Variants in KIF15 observed in about 807,000 individuals in gnomAD.
KIF15 encodes kinesin family member 15, also known as kinesin-like protein KIF15.
Under a neutral mutation model 190.6 loss-of-function variants are expected in KIF15, and 140 were observed. The ratio of observed to expected loss-of-function variants is 0.73; its 90% CI spans 0.64 to 0.84. KIF15 has a LOEUF of 0.84. KIF15 is among the 40% of genes least tolerant of loss of function. The pLI is 0.00. For synonymous variants in KIF15, 528 were observed against 551.3 expected (o/e 0.96, Z 0.59); for missense variants, 1,372 against 1,584.4 (o/e 0.87, Z 2.28).
chr3:44,821,532 C>T (rs879061528), intron 20 of KIF15, among the ~76,000 whole-genome samples: 7 of 151,596 alleles, frequency 4.6e-5, no homozygotes, highest in African/African-American at 4.9e-5. Context: ...GATGAGTGGC[C>T]GGGCAGAGAC....
intron 26 of KIF15, among the ~76,000 whole-genome samples, chr3:44,832,162 A>T (rs1218704531): frequency 6.6e-6 from 1 of 152,188 alleles, no homozygotes; most frequent in African/African-American, 2.4e-5. Flanking sequence ...GAGTATTTGT[A>T]CACAACTTTG....
At chr3:44,772,175 A>G (rs1004112763) in intron 1 of KIF15, among the ~76,000 whole-genome samples, 5 of 152,190 alleles carry the variant, frequency 3.3e-5, no homozygotes, top group African/African-American at 1.2e-4. Context: ...CTGTTCACCA[A>G]TTTCGTAACT....
intron 6 of KIF15, among the ~76,000 whole-genome samples, chr3:44,858,323 A>G (rs990143893): frequency 6.6e-6 from 1 of 152,120 alleles, no homozygotes; most frequent in Non-Finnish European, 1.5e-5. Flanking sequence ...GTAAAATGGG[A>G]GAATTGTAAG....
At chr3:44,795,255 G>A (rs746271273) in intron 8 of KIF15, among the ~76,000 whole-genome samples, 3 of 152,110 alleles carry the variant, frequency 2.0e-5, no homozygotes, top group African/African-American at 4.8e-5. Context: ...GAAGGATTTC[G>A]GTAGGGAGAG....
chr3:44,807,278 G>A (rs1017820836), intron 16 of KIF15, among the ~76,000 whole-genome samples: 1 of 151,412 alleles, frequency 6.6e-6, no homozygotes, highest in African/African-American at 2.4e-5. Context: ...AGGTTGGAGT[G>A]CAGTGGCACG....
At chr3:44,849,481 A>C (rs936255653) in intron 32 of KIF15, among the ~76,000 whole-genome samples, 1 of 152,130 alleles carries the variant, frequency 6.6e-6, no homozygotes, top group Admixed American at 6.5e-5. Flanking sequence ...TTTTTAAATA[A>C]ATTTTTTTAA....
intron 1 of KIF15, among the ~76,000 whole-genome samples, chr3:44,771,476 C>G (rs1017876751): frequency 2.0e-5 from 3 of 152,122 alleles, no homozygotes; most frequent in Admixed American, 1.3e-4. Context: ...ATCCTGTTTA[C>G]CTCTCTTCTG....
intron 6 of KIF15, among the ~76,000 whole-genome samples, chr3:44,864,715 G>C (rs1163305551): frequency 6.6e-6 from 1 of 152,152 alleles, no homozygotes; most frequent in Non-Finnish European, 1.5e-5. Context: ...GTAGTCTGAG[G>C]TTGACAAGAT....
Position 44,841,159 on chromosome 3 carries a change from C to G in KIF15, c.3506C>G (p.Ser1169Cys). 1 of 1,613,476 alleles carries G rather than the reference C, an allele frequency of 6.2e-7. No individual in the cohort carries two copies. The highest frequency in any genetic ancestry group is 8.5e-7 in the Non-Finnish European group (1 of 1,179,540). Residue 1169 changes from serine to cysteine, a missense_variant, in exon 29 of 35, where the codon TCT becomes TGT. Coordinates refer to ENST00000326047, the MANE Select transcript of KIF15 (RefSeq NM_020242.3). ...CAAGAGATAGAAGATGGAAGAGCCT[C>G]TAAGACTTCTTTGGAACACCTTGTA... is the stretch of plus-strand genomic sequence containing the variant. ...QEQEIEDGRA[S>C]KTSLEHLVTK... is the part of the protein sequence containing the mutation.
In KIF15 at chr3:44,848,072, TA is replaced by T; in HGVS notation, c.3768+16del. ...GACTTGCAAAAGTAAGATTTTTTTT[TA>T]TGTAATAGTTTCTTCTTGTCTGAGC... On this transcript the variant is annotated intron_variant, in intron 31 of 34. Coordinates refer to ENST00000326047, the MANE Select transcript of KIF15 (RefSeq NM_020242.3). 4.1e-6 allele frequency: 6 copies of T among 1,472,096 alleles called. No homozygotes were observed. Among genetic ancestry groups the T allele is most frequent in the Non-Finnish European group, 3.8e-6 (4 of 1,054,186 alleles). 91.2% of individuals were successfully genotyped at this position (1,472,096 alleles called of 1,614,324 possible). A position where few individuals can be genotyped will look rare whatever the true frequency, so the allele number is the denominator to read the frequency against.
At position 44,838,165 on chromosome 3, in the gene KIF15, G is replaced by A; in HGVS notation, c.3172-110G>A. The A allele has an allele frequency of 2.7e-6, 3 of 1,123,222 alleles. No homozygotes were observed. In the South Asian group the frequency reaches 4.9e-5, roughly 18 times the overall value. The allele number at this position is 1,123,222 out of a possible 1,614,324, so 69.6% of individuals were successfully genotyped here. ...GATTAGCACACAAGCAAAAGAAATAGGTTTTTACATAAAACTTCCTTAGTC... is the reference window on the plus strand; with the variant it reads ...GATTAGCACACAAGCAAAAGAAATAAGTTTTTACATAAAACTTCCTTAGTC... On this transcript the variant is annotated intron_variant, in intron 26 of 34. Transcript: ENST00000326047.
rs754113205 is a variant in KIF15, at chr3:44,840,460, C to T, written c.3420+4C>T. 2 of 1,575,146 alleles carry T rather than the reference C, an allele frequency of 1.3e-6. 1 individual carries two copies. Among genetic ancestry groups the T allele is most frequent in the South Asian group, 2.3e-5 (2 of 86,232 alleles). ...TTCTGCTGCTGAGGATCCCCAGGTA[C>T]TTTTCAGAAAAAGATTATTTCAGGA... On this transcript the variant is annotated splice_donor_region_variant and intron_variant, in intron 28 of 34. Coordinates refer to ENST00000326047, the MANE Select transcript of KIF15 (RefSeq NM_020242.3).
chr3:44,821,171 C>T (rs1708273035), intron 20 of KIF15, among the ~76,000 whole-genome samples: 1 of 148,070 alleles, frequency 6.8e-6, no homozygotes, highest in African/African-American at 2.5e-5. Context: ...GCTGGCCGGG[C>T]AGAGGGGCTC....
At chr3:44,782,677 G>A (rs1706223757) in intron 5 of KIF15, among the ~76,000 whole-genome samples, 2 of 152,218 alleles carry the variant, frequency 1.3e-5, no homozygotes. Flanking sequence ...GCTATTTTAG[G>A]TGGTGGGTCA....
chr3:44,805,761 T>C (rs944476252), intron 15 of KIF15, 84 bp from the exon 16 acceptor site: 1 of 1,206,468 alleles, frequency 8.3e-7, no homozygotes, highest in Non-Finnish European at 1.2e-6. Context: ...TATAAAGTTA[T>C]GTGAGAGCAT....
exon 35 of KIF15, chr3:44,853,249 GATA>G (rs1300046802): frequency 1.3e-5 from 2 of 152,162 alleles, no homozygotes; most frequent in Admixed American, 6.5e-5. Flanking sequence ...CATTTTTTAA[GATA>G]ATAATTAAAG....
Position 44,784,882 on chromosome 3 carries a change from A to T in KIF15, c.399A>T (p.Arg133Ser), listed in dbSNP as rs538219690. The change falls in exon 6 of 35, where the codon AGA becomes AGT. Residue 133 changes from arginine (R) to serine (S), a missense_variant. By Grantham distance (110) the Arg-to-Ser change is moderately radical (BLOSUM62 -1). Coordinates refer to ENST00000326047, the MANE Select transcript of KIF15 (RefSeq NM_020242.3). ...CTGATAATTTTTCTCATAACCTGAG[A>T]GGAGTAATCCCACGAAGTTTTGAAT... Reference protein sequence around the residue: ...SESDNFSHNLRGVIPRSFEYL... With the variant: ...SESDNFSHNLSGVIPRSFEYL... The T allele has an allele frequency of 6.3e-7, 1 of 1,578,628 alleles. No individual in the cohort carries two copies. The highest frequency in any genetic ancestry group is 2.3e-5 in the East Asian group (1 of 44,196).
At chr3:44,841,354 T>TGAGCTCACC in intron 29 of KIF15, 116 bp downstream of exon 29, 1 of 689,298 alleles carries the variant, frequency 1.5e-6, no homozygotes, top group Non-Finnish European at 2.5e-6. Flanking sequence ...TATCTGGCAC[T>TGAGCTCACC]ATAGGTATAT....
Position 44,775,429 on chromosome 3 carries a change from A to G in KIF15, c.238A>G (p.Thr80Ala). The part of the protein sequence containing the change: ...FTFDHVADVD[T>A]TQESVFATVA... Reference sequence around the variant, plus strand: ...GTTTGATCATGTTGCAGATGTGGATACCACTCAGGTAATGATAATTAGAAA... The same window carrying G: ...GTTTGATCATGTTGCAGATGTGGATGCCACTCAGGTAATGATAATTAGAAA... Residue 80 changes from threonine to alanine, a missense_variant, in exon 3 of 35, where the codon ACC becomes GCC. Thr to Ala is a moderately conservative substitution (Grantham distance 58, BLOSUM62 0). Coordinates refer to ENST00000326047, the MANE Select transcript of KIF15 (RefSeq NM_020242.3). 4.4e-6 allele frequency: 7 copies of G among 1,597,622 alleles called. No individual in the cohort carries two copies. Among genetic ancestry groups the G allele is most frequent in the Non-Finnish European group, 6.0e-6 (7 of 1,174,166 alleles).
Sources: gnomAD v4.1 joint callset for allele counts (sites outside exome capture counted in the v4.1 genomes callset) on GRCh38, gnomAD v4.1.1 for gene constraint, MANE v1.5 for transcripts, NCBI Gene and HGNC (gene_info 2026-07-23, HGNC 2026-07-21) for gene names.